Variants in BABAM2 observed in about 807,000 individuals in gnomAD.
BABAM2 encodes the protein BRISC and BRCA1 A complex member 2.
BABAM2 carries 31 observed loss-of-function variants against 54.7 expected under a neutral mutation model. That is an observed-to-expected ratio of 0.57 (90% confidence interval 0.43 to 0.77). BABAM2 has a LOEUF of 0.77. Ranked by LOEUF, BABAM2 falls within the 30% of genes least tolerant of loss-of-function variation. BABAM2 has a pLI of 0.00. For missense variants in BABAM2, 364 were observed against 455.8 expected, an observed-to-expected ratio of 0.80 and a Z score of 1.83; for synonymous variants, 167 against 162.9, an observed-to-expected ratio of 1.03 and a Z score of -0.19.
intron 5 of BABAM2, among the ~76,000 whole-genome samples, chr2:28,028,547 AG>A (rs1355069962): frequency 6.6e-6 from 1 of 152,128 alleles, no homozygotes; most frequent in Non-Finnish European, 1.5e-5. Context: ...TCATGAGGGC[AG>A]GGATCTTTGT....
In BABAM2 at chr2:28,225,242, C is replaced by T. The variant is rs999590224; in HGVS notation, c.681-11960C>T. On this transcript the variant is annotated intron_variant, in intron 7 of 11. Transcript: ENST00000379624. Reference sequence around the variant, plus strand: ...AGAAGAGCAGCAGCTAGAGAAAGGGCAAGGCTGAGTGCTATGGGTTCCCAA... The same window carrying T: ...AGAAGAGCAGCAGCTAGAGAAAGGGTAAGGCTGAGTGCTATGGGTTCCCAA... Among the ~76,000 whole-genome samples the T allele has an allele frequency of 2.6e-4, 40 of 152,288 alleles. 1 individual carries two copies. Among genetic ancestry groups the T allele is most frequent in the African/African-American group, 9.1e-4 (38 of 41,546 alleles).
chr2:28,290,028 A>G (rs1484056721), intron 10 of BABAM2, among the ~76,000 whole-genome samples: 1 of 152,168 alleles, frequency 6.6e-6, no homozygotes, highest in Non-Finnish European at 1.5e-5. Context: ...TTACATAGAC[A>G]TTCCTAAATA....
intron 6 of BABAM2, among the ~76,000 whole-genome samples, chr2:28,088,097 G>A (rs927218287): frequency 8.5e-5 from 13 of 152,188 alleles, no homozygotes; most frequent in African/African-American, 3.1e-4. Context: ...TTGTTTATGT[G>A]AACACATAGA....
intron 7 of BABAM2, among the ~76,000 whole-genome samples, chr2:28,159,879 C>T (rs932899078): frequency 2.0e-5 from 3 of 146,574 alleles, no homozygotes; most frequent in Non-Finnish European, 4.5e-5. Context: ...CCATCCCCGC[C>T]GGGAAAAAAA....
At chr2:28,236,688 T>C (rs1214451543) in intron 7 of BABAM2, among the ~76,000 whole-genome samples, 1 of 152,180 alleles carries the variant, frequency 6.6e-6, no homozygotes, top group Non-Finnish European at 1.5e-5. Flanking sequence ...TTTCTGAAAG[T>C]TGTGGAAATT....
chr2:28,129,494 T>C, intron 7 of BABAM2, 114 bp downstream of exon 7: 2 of 988,136 alleles, frequency 2.0e-6, no homozygotes, highest in South Asian at 1.5e-5. Flanking sequence ...TTGACTTTTG[T>C]TTTCTTAAAA....
intron 10 of BABAM2, among the ~76,000 whole-genome samples, chr2:28,248,225 T>TTTTTTTTTTTTTTTTTTC (rs1683087290): frequency 7.0e-6 from 1 of 142,992 alleles, no homozygotes; most frequent in East Asian, 2.0e-4. Flanking sequence ...TTTTTTTTTT[T>TTTTTTTTTTTTTTTTTTC]TGAGACGGAG....
At chr2:28,073,912 A>T (rs1664407364) in intron 6 of BABAM2, among the ~76,000 whole-genome samples, 1 of 152,184 alleles carries the variant, frequency 6.6e-6, no homozygotes, top group East Asian at 1.9e-4. Flanking sequence ...TAATTAGGAT[A>T]AAGTCTTATG....
chr2:28,045,608 A>C, intron 5 of BABAM2, 117 bp from the exon 6 acceptor site: 1 of 767,410 alleles, frequency 1.3e-6, no homozygotes, highest in South Asian at 3.0e-5. Context: ...AACGTTAGGA[A>C]AACCAAATTG....
intron 1 of BABAM2, among the ~76,000 whole-genome samples, chr2:27,893,248 G>T (rs915330945): frequency 6.6e-6 from 1 of 152,138 alleles, no homozygotes; most frequent in African/African-American, 2.4e-5. Context: ...AGAAGAATTC[G>T]TGTACTCCCT....
intron 3 of BABAM2, among the ~76,000 whole-genome samples, chr2:27,958,729 T>C (rs1308689531): frequency 1.3e-5 from 2 of 152,088 alleles, no homozygotes; most frequent in Admixed American, 1.3e-4. Context: ...GCCTAACAAA[T>C]ACTCTTGTGA....
At position 27,938,993 on chromosome 2, in the gene BABAM2, A is replaced by G. The variant is rs192175893; in HGVS notation, c.205+9085A>G. ...ATTTGAGACCAAGTCTTGCTCTAGC[A>G]CCAGGCTGGAGTGCAATGTAGCAAT... On this transcript the variant is annotated intron_variant, in intron 3 of 11. Transcript: ENST00000379624. 1.0e-3 allele frequency among the ~76,000 whole-genome samples: 152 copies of G among 152,172 alleles called. 1 individual carries two copies. Among genetic ancestry groups the G allele is most frequent in the Non-Finnish European group, 1.5e-3 (104 of 67,988 alleles).
intron 6 of BABAM2, among the ~76,000 whole-genome samples, chr2:28,098,769 A>G (rs933119389): frequency 1.3e-5 from 2 of 152,262 alleles, no homozygotes; most frequent in Admixed American, 1.3e-4. Context: ...GAATGTATCA[A>G]ACCAAAGCTA....
chr2:27,894,876 T>G (rs1558567460), intron 2 of BABAM2, 192 bp downstream of exon 2: 10 of 587,750 alleles, frequency 1.7e-5, no homozygotes, highest in Non-Finnish European at 2.8e-5. Context: ...TTATTTGTGT[T>G]GTGGACCATT....
intron 6 of BABAM2, among the ~76,000 whole-genome samples, chr2:28,047,157 G>A (rs72812594): frequency 0.069 from 10,496 of 152,112 alleles, 552 homozygotes; most frequent in African/African-American, 0.15. Flanking sequence ...CCCAAGAGTT[G>A]TAAAGTCCAA....
In BABAM2 at chr2:28,167,697, AAAATAAATAAATAAATAAAT is replaced by A. The variant is rs141764622; in HGVS notation, c.680+38340_680+38359del. Among the ~76,000 whole-genome samples the A allele has an allele frequency of 1.6e-3, 226 of 145,334 alleles. 2 individuals are homozygous for A. Among genetic ancestry groups the A allele is most frequent in the South Asian group, 1.1e-3 (5 of 4,552 alleles). ...CGACAGAGCGAGACTCCATCTCAAAAAAATAAATAAATAAATAAATAAATAAATAAATAAATAAATAACGC... is the reference window on the plus strand; with the variant it reads ...CGACAGAGCGAGACTCCATCTCAAAAAAATAAATAAATAAATAAATAACGC... On this transcript the variant is annotated intron_variant, in intron 7 of 11. Transcript: ENST00000379624.
chr2:27,923,037 A>G (rs1231735350), intron 2 of BABAM2, among the ~76,000 whole-genome samples: 6 of 152,214 alleles, frequency 3.9e-5, no homozygotes, highest in African/African-American at 1.2e-4. Flanking sequence ...TTACTGATTT[A>G]TGACAGCAGC....
intron 11 of BABAM2, chr2:28,310,273 T>TCAC (rs1688957045): frequency 1.0e-6 from 1 of 983,648 alleles, no homozygotes; most frequent in Admixed American, 2.2e-5. Context: ...AGGAAGCCAC[T>TCAC]CACCATCCTC....
chr2:28,019,945 T>A (rs866263015), intron 4 of BABAM2, among the ~76,000 whole-genome samples: 3 of 152,132 alleles, frequency 2.0e-5, no homozygotes, highest in African/African-American at 7.2e-5. Context: ...CCAGATTTGT[T>A]CTTTTTGCTT....
Sources: gnomAD v4.1 joint callset for allele counts (sites outside exome capture counted in the v4.1 genomes callset) on GRCh38, gnomAD v4.1.1 for gene constraint, MANE v1.5 for transcripts, NCBI Gene and HGNC (gene_info 2026-07-23, HGNC 2026-07-21) for gene names.